ZNF737: variants seen among roughly 807,000 people sequenced by gnomAD.
The protein encoded by ZNF737 is zinc finger protein 102 (Y3).
A neutral mutation model predicts 11.7 loss-of-function variants in ZNF737; 13 were observed. The ratio of observed to expected loss-of-function variants is 1.11; its 90% confidence interval spans 0.73 to 1.77. The LOEUF is 1.77. Ranked by LOEUF, ZNF737 falls within the 40% of genes most tolerant of loss-of-function variation. ZNF737 has a pLI of 0.00. For missense variants in ZNF737, 636 were observed against 638.0 expected, an observed-to-expected ratio of 1.00 and a Z score of 0.03; for synonymous variants, 217 against 216.2, an observed-to-expected ratio of 1.00 and a Z score of -0.03.
chr19:20,561,877 C>T (rs1395101849), intron 1 of ZNF737, among the ~76,000 whole-genome samples: 1 of 152,176 alleles, frequency 6.6e-6, no homozygotes, highest in Non-Finnish European at 1.5e-5. Context: ...ACTCACAGAA[C>T]TCAGCAAACC....
At chr19:20,560,823 G>A (rs1969064186) in intron 1 of ZNF737, among the ~76,000 whole-genome samples, 1 of 152,084 alleles carries the variant, frequency 6.6e-6, no homozygotes, top group Admixed American at 6.6e-5. Context: ...TGTAGAAACA[G>A]AAAACCAAAT....
downstream of ZNF737, among the ~76,000 whole-genome samples, chr19:20,532,999 G>C (rs1967866559): frequency 6.7e-6 from 1 of 149,952 alleles, no homozygotes; most frequent in African/African-American, 2.5e-5. Context: ...AATAAATACA[G>C]TTCTTGTCTT....
chr19:20,553,014 A>ACCC (rs1568432522), intron 2 of ZNF737, among the ~76,000 whole-genome samples: 54 of 137,728 alleles, frequency 3.9e-4, no homozygotes, highest in Admixed American at 1.1e-3. Context: ...TCTGTCCCCG[A>ACCC]AAAAAAAAAA....
At chr19:20,530,547 C>G in the ZNF737 span, among the ~76,000 whole-genome samples, 82 of 145,316 alleles carry the variant, frequency 5.6e-4, 6 homozygotes, top group African/African-American at 2.1e-3. Context: ...CCTCACTTCT[C>G]AGATGGGGCG....
At chr19:20,532,408 TTTCATAGACA>T (rs1363884430), downstream of ZNF737, among the ~76,000 whole-genome samples, 1 of 149,954 alleles carries the variant, frequency 6.7e-6, no homozygotes, top group Admixed American at 6.7e-5. Context: ...GAAATAAACA[TTTCATAGACA>T]TACCCATGTG....
downstream of ZNF737, among the ~76,000 whole-genome samples, chr19:20,532,725 AT>A (rs1402046743): frequency 1.3e-5 from 2 of 150,084 alleles, no homozygotes; most frequent in African/African-American, 4.9e-5. Context: ...ACTGCCAGAA[AT>A]GCTTGACATC....
Position 20,544,452 on chromosome 19 carries a change from T to C in ZNF737, c.*140A>G. On this transcript the variant is annotated 3_prime_UTR_variant, in exon 4 of 4. Coordinates refer to ENST00000427401, the MANE Select transcript of ZNF737 (RefSeq NM_001159293.2). ...TTGGGTTTCTTTCCCGCATGAATTA[T>C]CTAATGTCTACTAAGGTTTGAGGAT... 6.7e-7 allele frequency: 1 copy of C among 1,489,564 alleles called. No homozygotes were observed. Among genetic ancestry groups the C allele is most frequent in the Non-Finnish European group, 8.9e-7 (1 of 1,127,916 alleles). 92.3% of individuals were successfully genotyped at this position (1,489,564 alleles called of 1,614,324 possible). A position where few individuals can be genotyped will look rare whatever the true frequency, so the allele number is the denominator to read the frequency against.
intron 1 of ZNF737, among the ~76,000 whole-genome samples, chr19:20,560,454 C>T (rs1969049739): frequency 6.6e-6 from 1 of 151,812 alleles, no homozygotes; most frequent in Non-Finnish European, 1.5e-5. Flanking sequence ...TTTGCAATAA[C>T]GTCAATGAAG....
At chr19:20,546,332 C>G (rs1555757096) in intron 3 of ZNF737, among the ~76,000 whole-genome samples, 1 of 152,118 alleles carries the variant, frequency 6.6e-6, no homozygotes, top group African/African-American at 2.4e-5. Context: ...GTCGCTCATG[C>G]CTGTAATCTC....
chr19:20,563,285 T>C (rs1283635022), intron 1 of ZNF737, among the ~76,000 whole-genome samples: 1 of 148,434 alleles, frequency 6.7e-6, no homozygotes, highest in African/African-American at 2.5e-5. Flanking sequence ...GGCTGGGACA[T>C]GTGCAGGGGA....
chr19:20,536,731 C>T (rs573445417), downstream of ZNF737, among the ~76,000 whole-genome samples: 19 of 152,272 alleles, frequency 1.2e-4, no homozygotes, highest in African/African-American at 4.3e-4. Flanking sequence ...TGCTTGAGGT[C>T]ATCAGTTCAA....
chr19:20,556,278 C>A (rs767234729), intron 1 of ZNF737, among the ~76,000 whole-genome samples: 1 of 152,056 alleles, frequency 6.6e-6, no homozygotes, highest in Non-Finnish European at 1.5e-5. Flanking sequence ...CACATAAGGC[C>A]CTTCGTTAAA....
Position 20,565,770 on chromosome 19 carries a change from G to C in ZNF737, c.-130C>G, listed in dbSNP as rs532705723. 6.8e-7 allele frequency: 1 copy of C among 1,477,502 alleles called. No individual in the cohort carries two copies. Among genetic ancestry groups the C allele is most frequent in the African/African-American group, 1.4e-5 (1 of 72,200 alleles). The allele number at this position is 1,477,502 out of a possible 1,614,324, so 91.5% of individuals were successfully genotyped here. A position where few individuals can be genotyped will look rare whatever the true frequency, so the allele number is the denominator to read the frequency against. On this transcript the variant is annotated 5_prime_UTR_variant, in exon 1 of 4. Coordinates refer to ENST00000427401, the MANE Select transcript of ZNF737 (RefSeq NM_001159293.2). ...CAGTGAAGACAAGACCTGGAGCTCC[G>C]GCTGCAGAGACAAAGGCCCCGCAAA...
At chr19:20,531,052 C>A (rs1555752722), downstream of ZNF737, among the ~76,000 whole-genome samples, 1 of 146,604 alleles carries the variant, frequency 6.8e-6, no homozygotes, top group East Asian at 2.1e-4. Context: ...ACAGCAAAAC[C>A]CCGTCTCCAC....
At chr19:20,562,600 T>A (rs540558389) in intron 1 of ZNF737, among the ~76,000 whole-genome samples, 9 of 151,698 alleles carry the variant, frequency 5.9e-5, no homozygotes, top group Non-Finnish European at 1.2e-4. Flanking sequence ...TCAGGTGATC[T>A]GCCCACCTCA....
rs542227734 is a variant in ZNF737 at position 20,542,864 on chromosome 19, A to G, written c.*1728T>C. 5.9e-4 allele frequency: 582 copies of G among 985,032 alleles called. 2 individuals are homozygous for G. In the African/African-American group the frequency reaches 9.5e-3, roughly 16 times the overall value. The allele number at this position is 985,032 out of a possible 1,614,324, so 61.0% of individuals were successfully genotyped here. A position where few individuals can be genotyped will look rare whatever the true frequency, so the allele number is the denominator to read the frequency against. Reference sequence around the variant, plus strand: ...GTGAATAGAAATAAAATAACAGCATAATTTGAAAGCTGTATTACATCATTA... The same window carrying G: ...GTGAATAGAAATAAAATAACAGCATGATTTGAAAGCTGTATTACATCATTA... On this transcript the variant is annotated 3_prime_UTR_variant, in exon 4 of 4. Transcript: ENST00000427401.
At chr19:20,533,214 G>T (rs1389785413), downstream of ZNF737, among the ~76,000 whole-genome samples, 12 of 150,010 alleles carry the variant, frequency 8.0e-5, 1 homozygote, top group East Asian at 2.2e-3. Context: ...AATATATTAA[G>T]TGCAGCAGGA....
At position 20,544,407 on chromosome 19, in the gene ZNF737, T is replaced by G; in HGVS notation, c.*185A>C. 2 of 1,442,054 alleles carry G rather than the reference T, an allele frequency of 1.4e-6. No individual in the cohort carries two copies. Among genetic ancestry groups the G allele is most frequent in the South Asian group, 3.1e-5 (2 of 65,006 alleles). 89.3% of individuals were successfully genotyped at this position (1,442,054 alleles called of 1,614,324 possible). ...AAGGGCAGAGGTGTCCTTAAAGGCT[T>G]TGCTGCATTTTCTTATTTGTTGGGT... is the stretch of plus-strand genomic sequence containing the variant. On this transcript the variant is annotated 3_prime_UTR_variant, in exon 4 of 4. Transcript: ENST00000427401.
downstream of ZNF737, among the ~76,000 whole-genome samples, chr19:20,532,076 G>T (rs1319846031): frequency 1.3e-5 from 2 of 150,160 alleles, no homozygotes; most frequent in Admixed American, 1.3e-4. Flanking sequence ...GAAATAAGCT[G>T]AAAAGAAAGT....
Sources: gnomAD v4.1 joint callset for allele counts (sites outside exome capture counted in the v4.1 genomes callset) on GRCh38, gnomAD v4.1.1 for gene constraint, MANE v1.5 for transcripts, NCBI Gene and HGNC (gene_info 2026-07-23, HGNC 2026-07-21) for gene names.